Variants in GNE observed in about 807,000 individuals in gnomAD.
GNE encodes the protein glucosamine (UDP-N-acetyl)-2-epimerase/N-acetylmannosamine kinase.
Under a neutral mutation model 61.8 loss-of-function variants are expected in GNE, and 41 were observed. The observed-to-expected ratio is 0.66, with a 90% CI of 0.52 to 0.86. The LOEUF is 0.86. GNE is among the 40% of genes least tolerant of loss of function. The probability of loss-of-function intolerance (pLI) is 0.00; values close to 1 mark genes in which losing one functional copy is unlikely to be tolerated. For missense variants in GNE, 608 were observed against 909.1 expected (o/e 0.67, Z 4.26); for synonymous variants, 264 against 326.4 (o/e 0.81, Z 2.06).
Position 36,233,963 on chromosome 9 carries a change from T to C in GNE, c.939A>G (p.Thr313=). The change falls in exon 5 of 12, where the codon ACA becomes ACG. Residue 313 remains threonine, a synonymous_variant. Coordinates refer to ENST00000642385, the MANE Select transcript of GNE (RefSeq NM_005476.7). ...GACGTGTTCCCAGGTTGATCACAGG[T>C]GTTCCAAAAGCTCCAACTTCTCGAA... ...CGVREVGAFG[T]PVINLGTRQI... is the part of the protein sequence containing the mutation. The C allele has an allele frequency of 6.2e-7, 1 of 1,614,196 alleles. No individual in the cohort carries two copies. The highest frequency in any genetic ancestry group is 8.5e-7 in the Non-Finnish European group (1 of 1,180,010).
At chr9:36,223,591 C>G in intron 7 of GNE, 89 bp from the exon 8 acceptor site, 1 of 1,356,544 alleles carries the variant, frequency 7.4e-7, no homozygotes, top group Non-Finnish European at 1.0e-6. Context: ...ACAAATTAGA[C>G]ACTGCTATAG....
upstream of GNE, among the ~76,000 whole-genome samples, chr9:36,259,210 G>A: frequency 6.6e-6 from 1 of 152,128 alleles, no homozygotes; most frequent in Admixed American, 6.5e-5. Context: ...CCATGCCACC[G>A]AATCAGGCTT....
intron 7 of GNE, among the ~76,000 whole-genome samples, chr9:36,224,432 TCAAAAA>T (rs981150807): frequency 2.0e-5 from 3 of 151,872 alleles, no homozygotes; most frequent in African/African-American, 7.3e-5. Context: ...AGACCCTTTC[TCAAAAA>T]CAAAAACAAA....
At chr9:36,259,281 G>A (rs1329557599), upstream of GNE, among the ~76,000 whole-genome samples, 2 of 152,222 alleles carry the variant, frequency 1.3e-5, no homozygotes, top group Non-Finnish European at 2.9e-5. Flanking sequence ...AGGAAGCCAA[G>A]TGAGAAGGCT....
At chr9:36,270,615 T>A (rs1211231477) in intron 1 of GNE, among the ~76,000 whole-genome samples, 2 of 151,992 alleles carry the variant, frequency 1.3e-5, no homozygotes, top group East Asian at 3.9e-4. Flanking sequence ...CCTCCTGGGT[T>A]CACACCATTC....
intron 3 of GNE, among the ~76,000 whole-genome samples, chr9:36,242,155 C>CA (rs1479815855): frequency 4.5e-5 from 4 of 88,334 alleles, no homozygotes; most frequent in African/African-American, 1.0e-4. Flanking sequence ...GACTCTGTCT[C>CA]AAAAAAAAGA....
In GNE at chr9:36,233,817, A is replaced by G. The variant is rs370283182; in HGVS notation, c.982+103T>C. On this transcript the variant is annotated intron_variant, in intron 5 of 11. Coordinates refer to ENST00000642385, the MANE Select transcript of GNE (RefSeq NM_005476.7). ...AACTGGTTATTAACCTCATTCACTCACTTGTTCACAAAATATATGCTCAGT... is the reference window on the plus strand; with the variant it reads ...AACTGGTTATTAACCTCATTCACTCGCTTGTTCACAAAATATATGCTCAGT... 1.4e-4 allele frequency: 123 copies of G among 904,632 alleles called. No homozygotes were observed. The African/African-American group carries it at 1.4e-3, about 10-fold the overall frequency. 56.0% of individuals were successfully genotyped at this position (904,632 alleles called of 1,614,324 possible).
chr9:36,221,092 G>A (rs1158520369), intron 9 of GNE, among the ~76,000 whole-genome samples: 7 of 152,000 alleles, frequency 4.6e-5, no homozygotes, highest in Non-Finnish European at 8.8e-5. Context: ...AGGCTGAGGC[G>A]GGCAGATCAC....
chr9:36,256,790 A>G (rs777796887), intron 1 of GNE, among the ~76,000 whole-genome samples: 4 of 152,232 alleles, frequency 2.6e-5, no homozygotes, highest in Non-Finnish European at 5.9e-5. Flanking sequence ...AGTGCCAAAC[A>G]TTGTGCTAAT....
intron 7 of GNE, 49 bp downstream of exon 7, chr9:36,227,199 T>A: frequency 8.5e-7 from 1 of 1,182,886 alleles, no homozygotes; most frequent in Non-Finnish European, 1.3e-6. Context: ...AAAAAAAAAA[T>A]CAATCGCTCA....
chr9:36,269,129 CAAA>C (rs397776335), intron 1 of GNE, among the ~76,000 whole-genome samples: 5 of 83,928 alleles, frequency 6.0e-5, no homozygotes, highest in African/African-American at 4.9e-5. Flanking sequence ...GACTCCGTCT[CAAA>C]AAAAAAAAAA....
At chr9:36,240,264 T>A (rs1829580118) in intron 3 of GNE, among the ~76,000 whole-genome samples, 3 of 152,234 alleles carry the variant, frequency 2.0e-5, no homozygotes, top group Admixed American at 1.3e-4. Context: ...TGCTTTCAAC[T>A]TTTCCCCATT....
At chr9:36,243,976 T>C (rs1165210361) in intron 3 of GNE, among the ~76,000 whole-genome samples, 2 of 152,086 alleles carry the variant, frequency 1.3e-5, no homozygotes, top group African/African-American at 4.8e-5. Context: ...TTGTTTTGTT[T>C]TGTTTGAGAC....
At chr9:36,231,064 A>G (rs1398447001) in intron 5 of GNE, among the ~76,000 whole-genome samples, 8 of 138,708 alleles carry the variant, frequency 5.8e-5, no homozygotes, top group African/African-American at 2.2e-4. Context: ...GCACTGCTTC[A>G]CTAAAAAAAA....
chr9:36,259,765 A>G (rs888471243), upstream of GNE, among the ~76,000 whole-genome samples: 8 of 152,146 alleles, frequency 5.3e-5, no homozygotes, highest in African/African-American at 1.2e-4. Flanking sequence ...GGTTCAAGCA[A>G]TTCTCCTGCC....
intron 3 of GNE, among the ~76,000 whole-genome samples, chr9:36,243,407 A>G (rs902442803): frequency 6.6e-6 from 1 of 152,186 alleles, no homozygotes; most frequent in Non-Finnish European, 1.5e-5. Flanking sequence ...ATACCTAGAG[A>G]GCTAATGGTA....
chr9:36,229,131 T>G (rs1382630431), intron 5 of GNE, 23 bp from the exon 6 acceptor site: 1 of 1,323,678 alleles, frequency 7.6e-7, no homozygotes, highest in Non-Finnish European at 1.1e-6. Context: ...AGTGACACAT[T>G]ACAAGGATTT....
At chr9:36,265,191 C>T (rs1830735100) in intron 1 of GNE, 1 of 333,510 alleles carries the variant, frequency 3.0e-6, no homozygotes, top group Middle Eastern at 1.1e-3. Context: ...TTGAGATGAA[C>T]ACTAGTCGCT....
intron 1 of GNE, among the ~76,000 whole-genome samples, chr9:36,270,708 G>A (rs149486299): frequency 0.017 from 2,620 of 152,020 alleles, 78 homozygotes; most frequent in African/African-American, 0.059. Context: ...TAGTAGAGAC[G>A]GGGTTTCACC....
Sources: allele counts gnomAD v4.1 joint callset (sites outside exome capture counted in the v4.1 genomes callset), GRCh38; gene constraint gnomAD v4.1.1; transcripts MANE v1.5; gene names NCBI Gene and HGNC (gene_info 2026-07-23, HGNC 2026-07-21).